The following CLASP1 variants were observed in gnomAD, a reference collection of about 807,000 sequenced individuals.
CLASP1 encodes the protein cytoplasmic linker associated protein 1, also known as CLIP-associating protein 1.
A neutral mutation model predicts 192.3 loss-of-function variants in CLASP1; 38 were observed. That is an observed-to-expected ratio of 0.20 (90% CI 0.15 to 0.26). The LOEUF is 0.26. Ranked by LOEUF, CLASP1 falls within the 10% of genes least tolerant of loss-of-function variation. CLASP1 has a pLI of 1.00. For synonymous variants in CLASP1, 691 were observed against 712.8 expected, an observed-to-expected ratio of 0.97 and a Z score of 0.49; for missense variants, 1,433 against 1,932.5, an observed-to-expected ratio of 0.74 and a Z score of 4.85.
chr2:121,636,738 C>T (rs186471167), intron 1 of CLASP1, among the ~76,000 whole-genome samples: 3 of 152,194 alleles, frequency 2.0e-5, no homozygotes, highest in Admixed American at 1.3e-4. Flanking sequence ...ACATATTATG[C>T]TACCTAACTA....
Position 121,430,768 on chromosome 2 carries a change from G to A in CLASP1, c.1913-591C>T, listed in dbSNP as rs577427832. On this transcript the variant is annotated intron_variant, in intron 19 of 39. Coordinates refer to ENST00000263710, the Ensembl canonical transcript of CLASP1. ...TAAGTCAGTAAGTTTCTAAGATAAA[G>A]AAAAGATAAAGCTAAAAAGAGAGAT... Among the ~76,000 whole-genome samples, 6 of 152,118 alleles carry A rather than the reference G, an allele frequency of 3.9e-5. No homozygotes were observed. The East Asian group carries it at 1.2e-3, about 29-fold the overall frequency.
chr2:121,528,831 T>TG, intron 3 of CLASP1, 51 bp from the exon 4 acceptor site: 2 of 1,390,968 alleles, frequency 1.4e-6, no homozygotes, highest in Non-Finnish European at 2.0e-6. Flanking sequence ...TGGGGGTCTG[T>TG]GGTCACCAAG....
chr2:121,354,507 G>A (rs1406116432), intron 37 of CLASP1, among the ~76,000 whole-genome samples: 1 of 152,206 alleles, frequency 6.6e-6, no homozygotes, highest in African/African-American at 2.4e-5. Context: ...ACACAGCTGA[G>A]TGGATGGTGA....
At chr2:121,348,755 A>G in intron 37 of CLASP1, 37 bp from the exon 39 acceptor site, 4 of 1,515,080 alleles carry the variant, frequency 2.6e-6, no homozygotes, top group Non-Finnish European at 3.6e-6. Flanking sequence ...TGAGCTCCAC[A>G]TGCCACATGA....
At chr2:121,419,039 C>T (rs1337040792) in intron 22 of CLASP1, among the ~76,000 whole-genome samples, 1 of 152,138 alleles carries the variant, frequency 6.6e-6, no homozygotes, top group African/African-American at 2.4e-5. Context: ...TCAGAAAATA[C>T]AAGATCAAAA....
intron 37 of CLASP1, among the ~76,000 whole-genome samples, chr2:121,349,966 A>G (rs1460091859): frequency 6.6e-6 from 1 of 152,214 alleles, no homozygotes; most frequent in African/African-American, 2.4e-5. Context: ...CGTCACAGAG[A>G]TAAATGGTGA....
rs2075456126 is a variant in CLASP1 at position 121,397,377 on chromosome 2, A to AG, written c.2980-95dup. 8.9e-5 allele frequency: 93 copies of AG among 1,040,906 alleles called. No individual in the cohort carries two copies. The South Asian group carries it at 1.4e-3, about 15-fold the overall frequency. The allele number at this position is 1,040,906 out of a possible 1,614,324, so 64.5% of individuals were successfully genotyped here. A position where few individuals can be genotyped will look rare whatever the true frequency, so the allele number is the denominator to read the frequency against. On this transcript the variant is annotated intron_variant, in intron 29 of 39. Coordinates refer to ENST00000263710, the Ensembl canonical transcript of CLASP1. The stretch of plus-strand genomic sequence containing the variant: ...GGCCAGAGAAAAGTAAACCCTGGTG[A>AG]GGGGGATCTCCTTCCTTTCTCCTGT...
intron 32 of CLASP1, among the ~76,000 whole-genome samples, chr2:121,384,119 T>C (rs113170281): frequency 4.3e-4 from 60 of 138,174 alleles, no homozygotes; most frequent in East Asian, 2.4e-3. Flanking sequence ...TATATATATA[T>C]ACACACATAT....
intron 1 of CLASP1, among the ~76,000 whole-genome samples, chr2:121,611,538 G>A (rs533548917): frequency 1.3e-4 from 17 of 133,614 alleles, no homozygotes; most frequent in African/African-American, 4.4e-4. Flanking sequence ...AGGAGTTACA[G>A]GAGAAAGAGG....
chr2:121,435,281 T>C (rs1266168401), intron 19 of CLASP1, among the ~76,000 whole-genome samples: 6 of 152,242 alleles, frequency 3.9e-5, no homozygotes, highest in Non-Finnish European at 8.8e-5. Flanking sequence ...TTTTTCTTTT[T>C]TTCTTTTTTT....
rs553931204 is a variant in CLASP1 at position 121,382,736 on chromosome 2, G to T, written c.3375-412C>A. On this transcript the variant is annotated intron_variant, in intron 32 of 39. Transcript: ENST00000263710. The stretch of plus-strand genomic sequence containing the variant: ...ATCAGTTATTTTAGAAAGAACCAAA[G>T]AAGAATCATGGGGCCTTAATTCAAA... Among the ~76,000 whole-genome samples, 193 of 152,312 alleles carry T rather than the reference G, an allele frequency of 1.3e-3. 1 individual carries two copies. The highest frequency in any genetic ancestry group is 4.5e-3 in the African/African-American group (186 of 41,572).
At chr2:121,509,566 G>A (rs543766483) in intron 7 of CLASP1, among the ~76,000 whole-genome samples, 11 of 152,262 alleles carry the variant, frequency 7.2e-5, no homozygotes, top group African/African-American at 1.9e-4. Flanking sequence ...AGCCGGGCAC[G>A]GTGGACCACA....
At chr2:121,392,979 C>T (rs2074640263) in intron 30 of CLASP1, among the ~76,000 whole-genome samples, 1 of 152,110 alleles carries the variant, frequency 6.6e-6, no homozygotes, top group African/African-American at 2.4e-5. Context: ...ATTTAAGCAC[C>T]CCTCCCTCCA....
At chr2:121,428,561 A>T (rs528688943) in intron 20 of CLASP1, among the ~76,000 whole-genome samples, 1 of 152,316 alleles carries the variant, frequency 6.6e-6, no homozygotes, top group East Asian at 1.9e-4. Context: ...AGAGCCAAGA[A>T]GTTGTTCCCA....
At chr2:121,446,163 G>A (rs1033614305) in intron 19 of CLASP1, among the ~76,000 whole-genome samples, 2 of 152,170 alleles carry the variant, frequency 1.3e-5, no homozygotes, top group African/African-American at 4.8e-5. Flanking sequence ...GACTGACTGA[G>A]CAAATGTTCC....
At chr2:121,360,263 A>C (rs889815016) in intron 37 of CLASP1, among the ~76,000 whole-genome samples, 1 of 152,210 alleles carries the variant, frequency 6.6e-6, no homozygotes, top group African/African-American at 2.4e-5. Context: ...CTAGCTTCTT[A>C]TTGAGAACGA....
At chr2:121,424,779 A>G (rs2080100315) in intron 22 of CLASP1, among the ~76,000 whole-genome samples, 1 of 152,234 alleles carries the variant, frequency 6.6e-6, no homozygotes, top group East Asian at 1.9e-4. Flanking sequence ...TGAAAAATTC[A>G]TATAGGTTAA....
intron 1 of CLASP1, among the ~76,000 whole-genome samples, chr2:121,618,412 GC>G (rs1559786474): frequency 6.6e-6 from 1 of 152,140 alleles, no homozygotes; most frequent in East Asian, 1.9e-4. Context: ...AAGCACAGAC[GC>G]AAGAGTGTGC....
rs188483039 is a variant in CLASP1, at chr2:121,607,380, T to C, written c.-285-1200A>G. 9.8e-3 allele frequency among the ~76,000 whole-genome samples: 1,485 copies of C among 152,294 alleles called. 31 individuals carry two copies. Among genetic ancestry groups the C allele is most frequent in the Admixed American group, 0.039 (596 of 15,290 alleles). Reference sequence around the variant, plus strand: ...AATAGGCTCATATTCTGATCAGTTATTGACACAGTATTCTCCGCTGACAAT... The same window carrying C: ...AATAGGCTCATATTCTGATCAGTTACTGACACAGTATTCTCCGCTGACAAT... On this transcript the variant is annotated intron_variant, in intron 1 of 39. Coordinates refer to ENST00000263710, the Ensembl canonical transcript of CLASP1.
Sources: gnomAD v4.1 joint callset for allele counts (sites outside exome capture counted in the v4.1 genomes callset) on GRCh38, gnomAD v4.1.1 for gene constraint, MANE v1.5 for transcripts, NCBI Gene and HGNC (gene_info 2026-07-23, HGNC 2026-07-21) for gene names.